The following PDS5A variants were observed in gnomAD, a reference collection of about 807,000 sequenced individuals.
PDS5A encodes PDS5 cohesin associated factor A.
Under a neutral mutation model 167.1 loss-of-function variants are expected in PDS5A, and 42 were observed. The observed-to-expected ratio is 0.25, with a 90% confidence interval of 0.20 to 0.33. The LOEUF is 0.33. PDS5A is among the 10% of genes least tolerant of loss of function. The pLI is 1.00. For synonymous variants in PDS5A, 553 were observed against 554.6 expected, an observed-to-expected ratio of 1.00 and a Z score of 0.04; for missense variants, 1,033 against 1,605.9, an observed-to-expected ratio of 0.64 and a Z score of 6.10.
In PDS5A at chr4:39,842,064, A is replaced by G. The variant is rs143977220; in HGVS notation, c.3549-8T>C. The G allele has an allele frequency of 3.7e-3, 5,562 of 1,492,352 alleles. 16 individuals are homozygous for G. The highest frequency in any genetic ancestry group is 5.5e-3 in the Admixed American group (329 of 59,740). The allele number at this position is 1,492,352 out of a possible 1,614,324, so 92.4% of individuals were successfully genotyped here. A position where few individuals can be genotyped will look rare whatever the true frequency, so the allele number is the denominator to read the frequency against. On this transcript the variant is annotated splice_polypyrimidine_tract_variant and splice_region_variant and intron_variant, in intron 30 of 32. Transcript: ENST00000303538. ...GCCTCTGAACTCTGTTCCCTGTTTA[A>G]AACAAATAAACCAAGACTTCATATT...
At chr4:39,956,611 C>T (rs1215608722) in intron 2 of PDS5A, among the ~76,000 whole-genome samples, 1 of 151,774 alleles carries the variant, frequency 6.6e-6, no homozygotes, top group Non-Finnish European at 1.5e-5. Context: ...TTATTACTAC[C>T]TGGTTTTTAC....
intron 2 of PDS5A, among the ~76,000 whole-genome samples, chr4:39,952,187 C>T (rs1028428022): frequency 4.0e-5 from 6 of 151,868 alleles, no homozygotes; most frequent in South Asian, 2.1e-4. Flanking sequence ...AAAAAACAGC[C>T]GGGTATGGTG....
At chr4:39,964,601 CCAAGA>C (rs1192603895) in intron 2 of PDS5A, among the ~76,000 whole-genome samples, 1 of 152,190 alleles carries the variant, frequency 6.6e-6, no homozygotes, top group Non-Finnish European at 1.5e-5. Context: ...ACTCCAAAGG[CCAAGA>C]CAAGAGGATC....
intron 12 of PDS5A, 96 bp downstream of exon 12, chr4:39,903,944 T>G (rs777871440): frequency 8.3e-5 from 49 of 588,304 alleles, no homozygotes; most frequent in Admixed American, 1.2e-4. Context: ...ATGAAGTAAA[T>G]ACATAAAAAT....
chr4:39,878,459 T>C (rs1240943495), intron 18 of PDS5A, among the ~76,000 whole-genome samples: 2 of 151,882 alleles, frequency 1.3e-5, no homozygotes, highest in Admixed American at 1.3e-4. Context: ...TAGCCAGGCA[T>C]GGTGGCGGGA....
chr4:39,869,428 G>A lies in PDS5A; in HGVS notation c.2471C>T (p.Pro824Leu). The change falls in exon 22 of 33, where the codon CCA becomes CTA. Residue 824 changes from proline (P) to leucine (L), a missense_variant. Pro to Leu is a moderately conservative substitution (Grantham distance 98). Coordinates refer to ENST00000303538, the MANE Select transcript of PDS5A (RefSeq NM_001100399.2). The stretch of plus-strand genomic sequence containing the variant: ...TACTTCAGGGGAAACCTCTTCATCT[G>A]GAGACCACAGTTTTCCATTCTTTTC... ...TGEKNGKLWS[P>L]DEEVSPEVLA... 6.2e-7 allele frequency: 1 copy of A among 1,605,524 alleles called. No homozygotes were observed. The highest frequency in any genetic ancestry group is 8.5e-7 in the Non-Finnish European group (1 of 1,172,244).
At chr4:39,913,475 G>A in intron 9 of PDS5A, 136 bp downstream of exon 9, 1 of 572,022 alleles carries the variant, frequency 1.7e-6, no homozygotes, top group South Asian at 2.5e-5. Flanking sequence ...TATTCCATAA[G>A]AAGGATGGAA....
Position 39,867,763 on chromosome 4 carries a change from CACACACA to C in PDS5A, c.2506-773_2506-767del, listed in dbSNP as rs1398444685. Among the ~76,000 whole-genome samples the C allele has an allele frequency of 2.7e-4, 41 of 150,320 alleles. No homozygotes were observed. The East Asian group carries it at 3.0e-3, about 11-fold the overall frequency. On this transcript the variant is annotated intron_variant, in intron 22 of 32. Transcript: ENST00000303538. Reference sequence around the variant, plus strand: ...ACACACACACACACACACACACACACACACACACACACCCCACAACTGTACTGATTGT... The same window carrying C: ...ACACACACACACACACACACACACACCACACCCCACAACTGTACTGATTGT...
At chr4:39,869,753 A>T (rs1002985480) in intron 21 of PDS5A, among the ~76,000 whole-genome samples, 1 of 152,178 alleles carries the variant, frequency 6.6e-6, no homozygotes, top group South Asian at 2.1e-4. Context: ...CATTTTTGAC[A>T]AAGGATGCCA....
chr4:39,917,015 T>TA (rs71194939), intron 8 of PDS5A, 33 bp downstream of exon 8: 301,785 of 1,087,536 alleles, frequency 0.28, 8,917 homozygotes, highest in Admixed American at 0.31. Flanking sequence ...ACAAAAAAAT[T>TA]AAAAAAAAAA....
intron 17 of PDS5A, among the ~76,000 whole-genome samples, chr4:39,883,944 T>C (rs567928757): frequency 5.5e-4 from 84 of 151,658 alleles, no homozygotes; most frequent in African/African-American, 1.9e-3. Flanking sequence ...CCTTTGCTTT[T>C]TTTTTTTTGA....
At chr4:39,850,615 T>C (rs2109518978) in intron 26 of PDS5A, among the ~76,000 whole-genome samples, 1 of 152,358 alleles carries the variant, frequency 6.6e-6, no homozygotes, top group Admixed American at 6.5e-5. Flanking sequence ...ACAATTGGTA[T>C]GCAGTTCTGC....
At position 39,926,755 on chromosome 4, in the gene PDS5A, TA is replaced by T; in HGVS notation, c.429+19del. ...CATGTGAAATAATGTTAATAGTTAT[TA>T]AAGTTTTTTTTTTTTTACCTCTAAT... On this transcript the variant is annotated intron_variant, in intron 4 of 32. Coordinates refer to ENST00000303538, the MANE Select transcript of PDS5A (RefSeq NM_001100399.2). 7.5e-7 allele frequency: 1 copy of T among 1,336,296 alleles called. No individual in the cohort carries two copies. The highest frequency in any genetic ancestry group is 2.1e-4 in the Middle Eastern group (1 of 4,714). The allele number at this position is 1,336,296 out of a possible 1,614,324, so 82.8% of individuals were successfully genotyped here.
intron 18 of PDS5A, among the ~76,000 whole-genome samples, chr4:39,878,770 A>C (rs1235829104): frequency 1.3e-5 from 2 of 151,992 alleles, no homozygotes; most frequent in Non-Finnish European, 2.9e-5. Flanking sequence ...CTTTTTCGAC[A>C]GTCTCACTCT....
intron 2 of PDS5A, 197 bp downstream of exon 2, chr4:39,976,243 C>T (rs1419910885): frequency 2.5e-6 from 1 of 399,682 alleles, no homozygotes; most frequent in African/African-American, 2.0e-5. Context: ...AAAAATCACA[C>T]TCCTTTTAAA....
chr4:39,883,189 A>T (rs1036629230), intron 17 of PDS5A, among the ~76,000 whole-genome samples: 11 of 151,532 alleles, frequency 7.3e-5, no homozygotes, highest in South Asian at 6.2e-4. Flanking sequence ...CTTTTTTTTT[A>T]AAAAAAGAAG....
intron 5 of PDS5A, among the ~76,000 whole-genome samples, chr4:39,925,180 C>A (rs1207893637): frequency 2.0e-5 from 3 of 151,854 alleles, no homozygotes; most frequent in African/African-American, 7.3e-5. Flanking sequence ...ACAAAAAAAA[C>A]CAAACCAAAA....
intron 16 of PDS5A, among the ~76,000 whole-genome samples, chr4:39,897,443 G>A (rs1386166136): frequency 6.6e-6 from 1 of 152,058 alleles, no homozygotes. Flanking sequence ...CTGTCACTCA[G>A]GCTGGTGTGC....
chr4:39,961,024 G>A (rs201584399), intron 2 of PDS5A, among the ~76,000 whole-genome samples: 22 of 145,552 alleles, frequency 1.5e-4, no homozygotes, highest in East Asian at 6.6e-4. Context: ...GGGTCTCACC[G>A]GCCTTGAACT....
Sources: gnomAD v4.1 joint callset for allele counts (sites outside exome capture counted in the v4.1 genomes callset) on GRCh38, gnomAD v4.1.1 for gene constraint, MANE v1.5 for transcripts, NCBI Gene and HGNC (gene_info 2026-07-23, HGNC 2026-07-21) for gene names.